CACNB2: variants seen among roughly 807,000 people sequenced by gnomAD.
The protein encoded by CACNB2 is calcium voltage-gated channel auxiliary subunit beta 2, also known as voltage-dependent L-type calcium channel subunit beta-2.
CACNB2 carries 42 observed loss-of-function variants against 73.3 expected under a neutral mutation model. The ratio of observed to expected loss-of-function variants is 0.57; its 90% confidence interval spans 0.45 to 0.74. CACNB2 has a LOEUF of 0.74. Ranked by LOEUF, CACNB2 falls within the 30% of genes least tolerant of loss-of-function variation. The probability of loss-of-function intolerance (pLI) is 0.00; values close to 1 mark genes in which losing one functional copy is unlikely to be tolerated. For synonymous variants in CACNB2, 348 were observed against 310.3 expected (o/e 1.12, Z -1.28); for missense variants, 940 against 853.0 (o/e 1.10, Z -1.27).
intron 1 of CACNB2, 26 bp from the exon 2 acceptor site, chr10:18,150,855 CTT>C (rs71402148): frequency 0.055 from 25,898 of 468,062 alleles, no homozygotes; most frequent in East Asian, 0.081. Flanking sequence ...TCTTATTTGT[CTT>C]TTTTTTTTTT....
intron 3 of CACNB2, among the ~76,000 whole-genome samples, chr10:18,472,042 C>A (rs955651791): frequency 1.3e-5 from 2 of 152,016 alleles, no homozygotes; most frequent in Non-Finnish European, 2.9e-5. Flanking sequence ...ATCTCTCTGG[C>A]TCCTTCACTG....
At chr10:18,316,590 A>G (rs2040195837) in intron 2 of CACNB2, among the ~76,000 whole-genome samples, 1 of 151,834 alleles carries the variant, frequency 6.6e-6, no homozygotes. Flanking sequence ...CAGCTTCCTG[A>G]GTAGCTAGGA....
chr10:18,538,301 T>C lies in CACNB2; in HGVS notation c.1424T>C (p.Leu475Pro). The change falls in exon 13 of 14, where the codon CTC (leucine) becomes CCC (proline). Residue 475 changes from leucine (L) to proline (P), a missense_variant. Coordinates refer to ENST00000324631, the MANE Select transcript of CACNB2 (RefSeq NM_201596.3). Reference protein sequence around the residue: ...HPPSSSLPNPLLSRTLATSSL... With the variant: ...HPPSSSLPNPPLSRTLATSSL... ...CCCAGCAGTAGCCTCCCCAACCCTC[T>C]CCTTAGCCGTACATTAGCCACTTCA... is the stretch of plus-strand genomic sequence containing the variant. 2.5e-6 allele frequency: 4 copies of C among 1,614,048 alleles called. No homozygotes were observed.
intron 2 of CACNB2, among the ~76,000 whole-genome samples, chr10:18,397,095 T>C (rs1564502958): frequency 6.6e-6 from 1 of 152,208 alleles, no homozygotes; most frequent in Non-Finnish European, 1.5e-5. Context: ...AAAATACTGA[T>C]GCTGAAAATA....
At chr10:18,379,690 C>T (rs1246595756) in intron 2 of CACNB2, among the ~76,000 whole-genome samples, 1 of 152,142 alleles carries the variant, frequency 6.6e-6, no homozygotes, top group African/African-American at 2.4e-5. Flanking sequence ...CACCATTCTA[C>T]ATTTCTGGAC....
chr10:18,444,113 C>T (rs2046616057), intron 3 of CACNB2, among the ~76,000 whole-genome samples: 1 of 152,086 alleles, frequency 6.6e-6, no homozygotes, highest in African/African-American at 2.4e-5. Flanking sequence ...TTCGTGTCCC[C>T]AGAATTCAAA....
rs1041270500 is a variant in CACNB2 at position 18,541,446 on chromosome 10, T to C, written c.*1722T>C. The stretch of plus-strand genomic sequence containing the variant: ...TTCCGTGTCTCAAGTGTATATTTTG[T>C]CCAGTTATAACTGGATGGTAAGACA... On this transcript the variant is annotated 3_prime_UTR_variant, in exon 14 of 14. Transcript: ENST00000324631. The C allele has an allele frequency of 5.3e-5, 8 of 152,376 alleles. No homozygotes were observed. The highest frequency in any genetic ancestry group is 1.9e-4 in the African/African-American group (8 of 41,568). The allele number at this position is 152,376 out of a possible 1,614,324, so 9.4% of individuals were successfully genotyped here.
intron 2 of CACNB2, among the ~76,000 whole-genome samples, chr10:18,295,728 T>C (rs771733989): frequency 3.9e-5 from 6 of 152,244 alleles, no homozygotes; most frequent in Non-Finnish European, 8.8e-5. Flanking sequence ...GAGTTTGCTT[T>C]CTGTTTCTTG....
At chr10:18,400,785 T>G (rs1165679584) in intron 2 of CACNB2, 9 of 1,409,538 alleles carry the variant, frequency 6.4e-6, no homozygotes, top group Non-Finnish European at 8.3e-6. Context: ...GTCTTCTTTA[T>G]TTTTAAAGCA....
At chr10:18,232,288 T>C (rs1038081710) in intron 2 of CACNB2, among the ~76,000 whole-genome samples, 3 of 152,158 alleles carry the variant, frequency 2.0e-5, no homozygotes, top group South Asian at 4.1e-4. Context: ...TTAATTATTA[T>C]TATTATTATC....
chr10:18,498,377 T>C lies in CACNB2; in HGVS notation c.356T>C (p.Val119Ala). Residue 119 changes from valine (V) to alanine (A), a missense_variant, in exon 4 of 14, where the codon GTT becomes GCT. Coordinates refer to ENST00000324631, the MANE Select transcript of CACNB2 (RefSeq NM_201596.3). The stretch of plus-strand genomic sequence containing the variant: ...TAGACAAAGCCCGTTGCATTTGCGG[T>C]TCGGACAAATGTCAGCTACAGTGCG... ...KAKTKPVAFA[V>A]RTNVSYSAAH... The C allele has an allele frequency of 6.2e-7, 1 of 1,614,170 alleles. No individual in the cohort carries two copies. The highest frequency in any genetic ancestry group is 8.5e-7 in the Non-Finnish European group (1 of 1,180,006).
At chr10:18,470,364 T>G (rs1272683634) in intron 3 of CACNB2, among the ~76,000 whole-genome samples, 1 of 149,082 alleles carries the variant, frequency 6.7e-6, no homozygotes, top group Non-Finnish European at 1.5e-5. Context: ...TGTGATATAT[T>G]GCATATATTA....
At chr10:18,159,899 T>C (rs1005524241) in intron 2 of CACNB2, among the ~76,000 whole-genome samples, 4 of 152,212 alleles carry the variant, frequency 2.6e-5, no homozygotes, top group African/African-American at 9.6e-5. Context: ...CCTGTAAATT[T>C]CTTTTTATCT....
intron 2 of CACNB2, among the ~76,000 whole-genome samples, chr10:18,175,680 C>G (rs1292783145): frequency 6.6e-6 from 1 of 152,186 alleles, no homozygotes; most frequent in Admixed American, 6.5e-5. Context: ...TCACTGTAAC[C>G]TCTGTTTCCC....
rs1286477128 is a variant in CACNB2, at chr10:18,182,407, G to A, written c.213+31432G>A. 6.6e-5 allele frequency among the ~76,000 whole-genome samples: 10 copies of A among 151,926 alleles called. No individual in the cohort carries two copies. The East Asian group carries it at 7.8e-4, about 12-fold the overall frequency. ...CGTAGGTAACATTTTATAGCAATCC[G>A]AAAACTTTGAGTTCAATAATAATTC... On this transcript the variant is annotated intron_variant, in intron 2 of 13. Transcript: ENST00000324631.
At chr10:18,382,772 C>G (rs1278750283) in intron 2 of CACNB2, among the ~76,000 whole-genome samples, 1 of 152,192 alleles carries the variant, frequency 6.6e-6, no homozygotes, top group Non-Finnish European at 1.5e-5. Flanking sequence ...ACCACCTTTT[C>G]TTTATCCAGT....
intron 2 of CACNB2, among the ~76,000 whole-genome samples, chr10:18,252,514 T>G (rs891419125): frequency 1.8e-4 from 27 of 152,218 alleles, no homozygotes; most frequent in African/African-American, 6.5e-4. Flanking sequence ...TTCTGCATTT[T>G]GTATTGCCAT....
intron 2 of CACNB2, among the ~76,000 whole-genome samples, chr10:18,276,699 C>T (rs1472366689): frequency 6.6e-6 from 1 of 152,178 alleles, no homozygotes; most frequent in Non-Finnish European, 1.5e-5. Flanking sequence ...CTGCCGCAGC[C>T]TCCCAAGTAG....
At chr10:18,457,125 C>T (rs964473617) in intron 3 of CACNB2, among the ~76,000 whole-genome samples, 3 of 152,128 alleles carry the variant, frequency 2.0e-5, no homozygotes, top group Non-Finnish European at 4.4e-5. Context: ...CAGAGTTTCA[C>T]TCTGTGTCCA....
Sources: allele counts gnomAD v4.1 joint callset (sites outside exome capture counted in the v4.1 genomes callset), GRCh38; gene constraint gnomAD v4.1.1; transcripts MANE v1.5; gene names NCBI Gene and HGNC (gene_info 2026-07-23, HGNC 2026-07-21).